Variants in GSPT1 observed in about 807,000 individuals in gnomAD.
The protein encoded by GSPT1 is G1 to S phase transition 1.
A neutral mutation model predicts 72.5 loss-of-function variants in GSPT1; 20 were observed. The ratio of observed to expected loss-of-function variants is 0.28; its 90% CI spans 0.19 to 0.40. The LOEUF is 0.40. Among genes scored for constraint, GSPT1 ranks in the 10% least tolerant of loss-of-function variants. The pLI is 1.00. For synonymous variants in GSPT1, 334 were observed against 293.5 expected (o/e 1.14, Z -1.41); for missense variants, 580 against 811.9 (o/e 0.71, Z 3.47).
chr16:11,879,559 C>A (rs1254335825), intron 11 of GSPT1, among the ~76,000 whole-genome samples: 3 of 151,920 alleles, frequency 2.0e-5, no homozygotes, highest in Admixed American at 6.6e-5. Flanking sequence ...ACGGTGAAAT[C>A]CTGTCTCCAT....
At chr16:11,878,103 G>A (rs1456259070) in intron 11 of GSPT1, among the ~76,000 whole-genome samples, 3 of 152,132 alleles carry the variant, frequency 2.0e-5, no homozygotes, top group Admixed American at 1.3e-4. Flanking sequence ...TAGTGATGAT[G>A]GCTGCATAGC....
At chr16:11,890,857 T>C (rs968056190) in intron 6 of GSPT1, 11 of 380,432 alleles carry the variant, frequency 2.9e-5, no homozygotes, top group Non-Finnish European at 5.2e-5. Context: ...TATCACCAGA[T>C]ATATGGATTG....
rs941312538 is a variant in GSPT1, at chr16:11,869,446, G to C, written c.*3673C>G. The C allele has an allele frequency of 3.9e-5, 6 of 152,170 alleles. No homozygotes were observed. Among genetic ancestry groups the C allele is most frequent in the Non-Finnish European group, 8.8e-5 (6 of 68,028 alleles). 9.4% of individuals were successfully genotyped at this position (152,170 alleles called of 1,614,324 possible). A position where few individuals can be genotyped will look rare whatever the true frequency, so the allele number is the denominator to read the frequency against. ...AGATAATTGTCCCCTGAATCCACTG[G>C]TTGTTCTCTTCCTTACCTATGTCTG... On this transcript the variant is annotated 3_prime_UTR_variant, in exon 15 of 15. Coordinates refer to ENST00000434724, the MANE Select transcript of GSPT1 (RefSeq NM_002094.4).
At chr16:11,905,730 G>C (rs1419368325) in intron 1 of GSPT1, among the ~76,000 whole-genome samples, 5 of 152,168 alleles carry the variant, frequency 3.3e-5, no homozygotes, top group African/African-American at 1.2e-4. Flanking sequence ...AGCTACTCAG[G>C]AGGCTGTGGC....
rs577456782 is a variant in GSPT1 at position 11,888,680 on chromosome 16, T to G, written c.777-930A>C. Among the ~76,000 whole-genome samples the G allele has an allele frequency of 2.6e-5, 4 of 152,150 alleles. No homozygotes were observed. The East Asian group carries it at 7.8e-4, about 30-fold the overall frequency. On this transcript the variant is annotated intron_variant, in intron 6 of 14. Transcript: ENST00000434724. ...GGGAGGCTGAGGCAGGAGAATCGCT[T>G]GAACCCAGGAGGCGGAGGTTGCAGT...
At chr16:11,902,227 A>T (rs1245255493) in intron 1 of GSPT1, among the ~76,000 whole-genome samples, 2 of 150,618 alleles carry the variant, frequency 1.3e-5, no homozygotes, top group East Asian at 4.0e-4. Context: ...CTAAAAATAC[A>T]AAAAATTAGC....
intron 11 of GSPT1, chr16:11,881,148 TTGGC>T (rs2054117242): frequency 6.6e-6 from 1 of 152,408 alleles, no homozygotes; most frequent in Admixed American, 6.5e-5. Context: ...TCCACCCACC[TTGGC>T]CTCCCAAAGT....
intron 11 of GSPT1, among the ~76,000 whole-genome samples, chr16:11,880,723 C>G (rs1262195924): frequency 1.3e-5 from 2 of 152,182 alleles, no homozygotes; most frequent in African/African-American, 2.4e-5. Flanking sequence ...GGAAAAATGT[C>G]TATTGCAGTC....
intron 1 of GSPT1, among the ~76,000 whole-genome samples, chr16:11,902,818 C>CTCATG (rs1181190201): frequency 6.6e-6 from 1 of 151,918 alleles, no homozygotes; most frequent in African/African-American, 2.4e-5. Context: ...AACTCCTGAC[C>CTCATG]TCATGTGATC....
At chr16:11,916,121 G>C (rs1250968319), upstream of GSPT1, 13 of 420,466 alleles carry the variant, frequency 3.1e-5, no homozygotes, top group Non-Finnish European at 5.0e-5. Context: ...TACAAGTTCC[G>C]GCAGCGCCCG....
intron 7 of GSPT1, 60 bp from the exon 8 acceptor site, chr16:11,886,991 A>G (rs991283307): frequency 1.5e-6 from 2 of 1,317,354 alleles, no homozygotes; most frequent in African/African-American, 3.0e-5. Flanking sequence ...TTATGGCAGT[A>G]AAACATCTTT....
rs576412998 is a variant in GSPT1, at chr16:11,913,331, T to C, written c.352+2038A>G. Among the ~76,000 whole-genome samples the C allele has an allele frequency of 1.6e-4, 25 of 152,336 alleles. No homozygotes were observed. The South Asian group carries it at 4.8e-3, about 29-fold the overall frequency. On this transcript the variant is annotated intron_variant, in intron 1 of 14. Transcript: ENST00000434724. ...TGAACTGGCATTTTGGTACAAGCAA[T>C]TGGTAAAGTCGGTAACACCAAAATA...
At chr16:11,892,244 G>A (rs1332439465) in intron 5 of GSPT1, among the ~76,000 whole-genome samples, 3 of 151,814 alleles carry the variant, frequency 2.0e-5, no homozygotes, top group Non-Finnish European at 2.9e-5. Flanking sequence ...TTGGGAGGCT[G>A]AAGTGAGAGG....
chr16:11,901,196 TCATA>T (rs2054401859), intron 1 of GSPT1, among the ~76,000 whole-genome samples: 1 of 152,008 alleles, frequency 6.6e-6, no homozygotes, highest in African/African-American at 2.4e-5. Flanking sequence ...TACCCTATCT[TCATA>T]CATACACAGT....
intron 1 of GSPT1, among the ~76,000 whole-genome samples, chr16:11,902,336 C>T (rs1368781692): frequency 2.2e-5 from 3 of 137,504 alleles, no homozygotes; most frequent in African/African-American, 8.2e-5. Flanking sequence ...GAGCCGAGAT[C>T]GCACCACTGC....
At chr16:11,892,715 G>C (rs545047047) in intron 5 of GSPT1, among the ~76,000 whole-genome samples, 1 of 147,508 alleles carries the variant, frequency 6.8e-6, no homozygotes, top group South Asian at 2.2e-4. Flanking sequence ...TGTAATCCCA[G>C]CTACTTGGGA....
At chr16:11,875,699 T>C in intron 14 of GSPT1, 62 bp downstream of exon 14, 1 of 1,222,906 alleles carries the variant, frequency 8.2e-7, no homozygotes, top group Non-Finnish European at 1.2e-6. Flanking sequence ...ACTGAGATGA[T>C]GAAGATGACC....
At position 11,875,928 on chromosome 16, in the gene GSPT1, G is replaced by T; in HGVS notation, c.1694C>A (p.Ala565Asp). ...HTCIEEVEIT[A>D]LICLVDKKSG... ...TTTTTTGTCTACCAAGCAGATTAAG[G>T]CCTAACCAAGAAAAGAGTATGAGAA... The change falls in exon 14 of 15, where the codon GCC (alanine) becomes GAC (aspartate). Residue 565 changes from alanine (A) to aspartate (D), a missense_variant and splice_region_variant. By Grantham distance (126) the Ala-to-Asp change is moderately radical (BLOSUM62 -2). Coordinates refer to ENST00000434724, the MANE Select transcript of GSPT1 (RefSeq NM_002094.4). The T allele has an allele frequency of 6.2e-7, 1 of 1,609,970 alleles. No individual in the cohort carries two copies. The highest frequency in any genetic ancestry group is 8.5e-7 in the Non-Finnish European group (1 of 1,178,138).
At chr16:11,916,250 G>T (rs568681468), upstream of GSPT1, among the ~76,000 whole-genome samples, 683 of 152,308 alleles carry the variant, frequency 4.5e-3, 1 homozygote, top group Non-Finnish European at 6.5e-3. Context: ...TCTGGTGGCC[G>T]CTCGGCGGCC....
Sources: allele counts gnomAD v4.1 joint callset (sites outside exome capture counted in the v4.1 genomes callset), GRCh38; gene constraint gnomAD v4.1.1; transcripts MANE v1.5; gene names NCBI Gene and HGNC (gene_info 2026-07-23, HGNC 2026-07-21).